Variants in TCEANC2 observed in about 807,000 individuals in gnomAD.
The protein encoded by TCEANC2 is transcription elongation factor A N-terminal and central domain-containing protein 2.
A neutral mutation model predicts 22.8 loss-of-function variants in TCEANC2; 20 were observed. The observed-to-expected ratio is 0.88, with a 90% CI of 0.62 to 1.28. TCEANC2 has a LOEUF of 1.28. Among genes scored for constraint, TCEANC2 ranks in the 50% most tolerant of loss-of-function variants. TCEANC2 has a pLI of 0.00. For synonymous variants in TCEANC2, 84 were observed against 95.5 expected (o/e 0.88, Z 0.70); for missense variants, 251 against 249.7 (o/e 1.01, Z -0.03).
chr1:54,071,955 G>A (rs1255904966), intron 3 of TCEANC2, among the ~76,000 whole-genome samples: 2 of 151,964 alleles, frequency 1.3e-5, no homozygotes, highest in African/African-American at 2.4e-5. Flanking sequence ...AGGACTGCGG[G>A]TATGCACCAA....
At chr1:54,089,559 G>A (rs1317223479) in intron 4 of TCEANC2, among the ~76,000 whole-genome samples, 3 of 152,172 alleles carry the variant, frequency 2.0e-5, no homozygotes, top group Middle Eastern at 6.3e-3. Flanking sequence ...TGGAAAATAG[G>A]ACATATAATA....
chr1:54,060,795 C>A (rs553652354), intron 2 of TCEANC2, among the ~76,000 whole-genome samples: 12 of 151,898 alleles, frequency 7.9e-5, no homozygotes, highest in African/African-American at 2.9e-4. Flanking sequence ...CAAAAATTAG[C>A]CGGGTGTGGT....
At chr1:54,081,528 A>G (rs1452966555) in intron 3 of TCEANC2, among the ~76,000 whole-genome samples, 1 of 152,192 alleles carries the variant, frequency 6.6e-6, no homozygotes, top group Non-Finnish European at 1.5e-5. Context: ...GATTACAGGC[A>G]TGCCACCATG....
At chr1:54,086,631 G>A (rs1252716607) in intron 3 of TCEANC2, among the ~76,000 whole-genome samples, 2 of 152,196 alleles carry the variant, frequency 1.3e-5, no homozygotes, top group Non-Finnish European at 2.9e-5. Context: ...TAGAAAGTAG[G>A]TAGGAGGGTG....
chr1:54,076,470 G>T (rs1310016252), intron 3 of TCEANC2, among the ~76,000 whole-genome samples: 1 of 152,136 alleles, frequency 6.6e-6, no homozygotes, highest in African/African-American at 2.4e-5. Context: ...ATTCCATGGT[G>T]TATCTGTGCC....
chr1:54,096,927 CCT>C lies in TCEANC2; in HGVS notation c.*455_*456del, dbSNP rs1264930002. 2.4e-5 allele frequency: 24 copies of C among 987,190 alleles called. No individual in the cohort carries two copies. The Middle Eastern group carries it at 2.1e-3, about 86-fold the overall frequency. 61.2% of individuals were successfully genotyped at this position (987,190 alleles called of 1,614,324 possible). ...TAGCTCTGGTGCCTCTCAGAACTCC[CCT>C]GTCTGTTCTCTTTGCTCTATCCCAG... On this transcript the variant is annotated 3_prime_UTR_variant, in exon 5 of 5. Transcript: ENST00000234827. The surrounding 1 kb of genome is among the most constrained non-coding windows in gnomAD (Gnocchi z 4.9).
At chr1:54,059,107 T>C (rs1657804307) in intron 2 of TCEANC2, among the ~76,000 whole-genome samples, 1 of 152,020 alleles carries the variant, frequency 6.6e-6, no homozygotes, top group African/African-American at 2.4e-5. Flanking sequence ...ACTTTGCCTA[T>C]AAATCTTAGA....
chr1:54,084,478 T>C (rs998009691), intron 3 of TCEANC2, among the ~76,000 whole-genome samples: 18 of 152,228 alleles, frequency 1.2e-4, no homozygotes, highest in East Asian at 3.8e-4. Context: ...TTGTACACTT[T>C]GGCAGGTAAA....
At chr1:54,075,842 T>A (rs1032918412) in intron 3 of TCEANC2, among the ~76,000 whole-genome samples, 1 of 151,922 alleles carries the variant, frequency 6.6e-6, no homozygotes, top group African/African-American at 2.4e-5. Context: ...GGTGAAACCT[T>A]GTCTTTACTA....
chr1:54,106,791 C>T (rs886362021), downstream of TCEANC2, among the ~76,000 whole-genome samples: 2 of 152,010 alleles, frequency 1.3e-5, no homozygotes, highest in African/African-American at 4.8e-5. Flanking sequence ...CAGATATATA[C>T]CCAATTTAGA....
Position 54,096,445 on chromosome 1 carries a change from G to GCTGC in TCEANC2, c.600_601insTGCC (p.Thr201CysfsTer12), listed in dbSNP as rs1381020263. ...GTGAAGAGCGGCTCGCTGCCAGTCGGCACGTTTGTACAGACCCACAAAAAG... is the reference window on the plus strand; with the variant it reads ...GTGAAGAGCGGCTCGCTGCCAGTCGGCTGCCACGTTTGTACAGACCCACAAAAAG... On this transcript the variant is annotated frameshift_variant, in exon 5 of 5. Coordinates refer to ENST00000234827, the MANE Select transcript of TCEANC2 (RefSeq NM_153035.3). LOFTEE classifies it high-confidence loss of function. This position sits in a 1 kb window ranked among gnomAD's most constrained non-coding sequence, Gnocchi z 4.9. 6.2e-7 allele frequency: 1 copy of GCTGC among 1,612,152 alleles called. No individual in the cohort carries two copies. Among genetic ancestry groups the GCTGC allele is most frequent in the South Asian group, 1.1e-5 (1 of 91,038 alleles).
At chr1:54,095,275 G>A (rs753307018) in intron 4 of TCEANC2, among the ~76,000 whole-genome samples, 6 of 152,194 alleles carry the variant, frequency 3.9e-5, no homozygotes, top group South Asian at 2.1e-4. Context: ...TTTTTGCCTC[G>A]GCTTTGACAT....
intron 3 of TCEANC2, among the ~76,000 whole-genome samples, chr1:54,070,527 C>T (rs993715838): frequency 6.6e-6 from 1 of 152,226 alleles, no homozygotes; most frequent in African/African-American, 2.4e-5. Flanking sequence ...GATTTCAATT[C>T]AAGGATCATA....
At chr1:54,062,453 A>G (rs1657875791) in intron 2 of TCEANC2, among the ~76,000 whole-genome samples, 1 of 152,226 alleles carries the variant, frequency 6.6e-6, no homozygotes, top group African/African-American at 2.4e-5. Flanking sequence ...CATATCTGAA[A>G]ACTGTACTGT....
chr1:54,056,474 C>T (rs181186446), intron 2 of TCEANC2, among the ~76,000 whole-genome samples: 3 of 151,954 alleles, frequency 2.0e-5, no homozygotes, highest in African/African-American at 4.8e-5. Flanking sequence ...TACAGGTGCC[C>T]GCCACCACGC....
At chr1:54,108,744 G>A (rs184503337), downstream of TCEANC2, among the ~76,000 whole-genome samples, 450 of 152,058 alleles carry the variant, frequency 3.0e-3, no homozygotes, top group African/African-American at 7.0e-3. Context: ...AGGCCGAGGC[G>A]GGCGGATCAT....
intron 2 of TCEANC2, 89 bp from the exon 3 acceptor site, chr1:54,068,667 T>C: frequency 1.5e-6 from 2 of 1,331,170 alleles, no homozygotes; most frequent in Non-Finnish European, 2.0e-6. Flanking sequence ...ATAATTCATA[T>C]GTCAATAGGA....
Position 54,102,447 on chromosome 1 carries a change from AG to A in TCEANC2, c.*5975del, listed in dbSNP as rs1376834287. 3 of 152,266 alleles carry A rather than the reference AG, an allele frequency of 2.0e-5. No homozygotes were observed. Among genetic ancestry groups the A allele is most frequent in the African/African-American group, 7.2e-5 (3 of 41,466 alleles). 9.4% of individuals were successfully genotyped at this position (152,266 alleles called of 1,614,324 possible). A position where few individuals can be genotyped will look rare whatever the true frequency, so the allele number is the denominator to read the frequency against. On this transcript the variant is annotated 3_prime_UTR_variant, in exon 5 of 5. Coordinates refer to ENST00000234827, the MANE Select transcript of TCEANC2 (RefSeq NM_153035.3). ...AGGGTTCTGGTAGAGACAGATCATCAGACCATGGATCATCAAGTTGACCATG... is the reference window on the plus strand; with the variant it reads ...AGGGTTCTGGTAGAGACAGATCATCAACCATGGATCATCAAGTTGACCATG...
chr1:54,061,575 C>G (rs185562081), intron 2 of TCEANC2, among the ~76,000 whole-genome samples: 1 of 152,084 alleles, frequency 6.6e-6, no homozygotes, highest in Non-Finnish European at 1.5e-5. Flanking sequence ...CTCTTTAAAT[C>G]TTAATAATAG....
Sources: gnomAD v4.1 joint callset for allele counts (sites outside exome capture counted in the v4.1 genomes callset) on GRCh38, gnomAD v4.1.1 for gene constraint, Gnocchi (gnomAD v3.1) non-coding constraint, MANE v1.5 for transcripts, NCBI Gene and HGNC (gene_info 2026-07-23, HGNC 2026-07-21) for gene names.